Variants in DLG1 observed in about 807,000 individuals in gnomAD.
The protein encoded by DLG1 is disks large homolog 1.
DLG1 carries 42 observed loss-of-function variants against 123.4 expected under a neutral mutation model. That is an observed-to-expected ratio of 0.34 (90% CI 0.27 to 0.44). The LOEUF is 0.44. DLG1 is among the 20% of genes least tolerant of loss of function. The pLI, the probability that DLG1 is intolerant of heterozygous loss-of-function variation, is 1.00. For synonymous variants in DLG1, 317 were observed against 356.2 expected (o/e 0.89, Z 1.24); for missense variants, 942 against 1,082.6 (o/e 0.87, Z 1.82).
In DLG1 at chr3:197,066,725, C is replaced by T; in HGVS notation, c.2077G>A (p.Glu693Lys). 6.2e-7 allele frequency: 1 copy of T among 1,605,650 alleles called. No individual in the cohort carries two copies. Among genetic ancestry groups the T allele is most frequent in the Non-Finnish European group, 8.5e-7 (1 of 1,173,784 alleles). ...AAACCTTCTTGTTGATTCACTGGTT[C>T]ATAAGATAAGACGTATTCTTCTTGA... Reference protein sequence around the residue: ...RGQEEYVLSYEPVNQQEVNYT... With the variant: ...RGQEEYVLSYKPVNQQEVNYT... Residue 693 changes from glutamate to lysine, a missense_variant, in exon 20 of 25, where the codon GAA (glutamate) becomes AAA (lysine). By Grantham distance (56) the Glu-to-Lys change is moderately conservative. Transcript: ENST00000667157.
chr3:197,274,556 T>C (rs1765497155), intron 4 of DLG1, among the ~76,000 whole-genome samples: 2 of 142,560 alleles, frequency 1.4e-5, no homozygotes, highest in African/African-American at 2.7e-5. Flanking sequence ...CTTCAGGATG[T>C]TGGTCAGGGC....
chr3:197,089,287 G>C (rs4490329), intron 15 of DLG1, among the ~76,000 whole-genome samples: 1 of 152,164 alleles, frequency 6.6e-6, no homozygotes, highest in Non-Finnish European at 1.5e-5. Context: ...CAGCACTTGG[G>C]AGGCCAAGGT....
In DLG1 at chr3:197,090,903, A is replaced by G; in HGVS notation, c.1661+9T>C. 1 of 1,545,438 alleles carries G rather than the reference A, an allele frequency of 6.5e-7. No individual in the cohort carries two copies. The highest frequency in any genetic ancestry group is 1.4e-5 in the African/African-American group (1 of 73,516). ...AAGATTTGCCATAATTAGAAGTAAA[A>G]AAATTTACCTGACATAGAGGGATCG... On this transcript the variant is annotated intron_variant, in intron 15 of 24. Coordinates refer to ENST00000667157, the MANE Select transcript of DLG1 (RefSeq NM_001366207.1).
intron 14 of DLG1, among the ~76,000 whole-genome samples, chr3:197,098,100 C>T (rs1008366646): frequency 7.9e-5 from 12 of 152,124 alleles, no homozygotes; most frequent in East Asian, 3.8e-4. Flanking sequence ...CAAGCCCGTA[C>T]GCTGTTGCTC....
intron 5 of DLG1, among the ~76,000 whole-genome samples, chr3:197,176,979 TTTTTA>T (rs1343520054): frequency 2.0e-5 from 3 of 151,178 alleles, no homozygotes; most frequent in Non-Finnish European, 3.0e-5. Flanking sequence ...TTTATATTAT[TTTTTA>T]TTTATTTTTA....
rs1779771099 is a variant in DLG1, at chr3:197,127,436, AAAAAAAAAAAAAAAAAAAAAAAT to A, written c.1165+3068_1165+3090del. Among the ~76,000 whole-genome samples the A allele has an allele frequency of 9.0e-5, 4 of 44,414 alleles. No individual in the cohort carries two copies. In the East Asian group the frequency reaches 1.3e-3, roughly 15 times the overall value. 29.1% of individuals were successfully genotyped at this position (44,414 alleles called of 152,430 possible). ...AGATTCTGTCTCCAAAAAAAAAAAAAAAAAAAAAAAAAAAAAAAAAAATATATATATATATATATATATATATA... is the reference window on the plus strand; with the variant it reads ...AGATTCTGTCTCCAAAAAAAAAAAAAATATATATATATATATATATATATA... On this transcript the variant is annotated intron_variant, in intron 11 of 24. Transcript: ENST00000667157.
chr3:197,239,555 C>G (rs929951416), intron 4 of DLG1, among the ~76,000 whole-genome samples: 1 of 150,834 alleles, frequency 6.6e-6, no homozygotes, highest in African/African-American at 2.4e-5. Context: ...CCTTCATGAA[C>G]AGTGATACAA....
chr3:197,109,778 G>A (rs1560734360), intron 13 of DLG1, among the ~76,000 whole-genome samples: 1 of 152,136 alleles, frequency 6.6e-6, no homozygotes, highest in East Asian at 1.9e-4. Context: ...TAGAGTTCTA[G>A]TCAACAAAGT....
At chr3:197,157,807 G>A (rs1391917485) in intron 5 of DLG1, among the ~76,000 whole-genome samples, 3 of 152,140 alleles carry the variant, frequency 2.0e-5, no homozygotes, top group Non-Finnish European at 4.4e-5. Flanking sequence ...CAAAGTTACA[G>A]TAACAGAAAC....
At chr3:197,139,790 C>T (rs1056553870) in intron 8 of DLG1, among the ~76,000 whole-genome samples, 4 of 140,028 alleles carry the variant, frequency 2.9e-5, no homozygotes, top group African/African-American at 9.8e-5. Context: ...TAAGTTTATA[C>T]ACATGTTTCC....
chr3:197,103,160 A>T (rs1764466534), intron 14 of DLG1, among the ~76,000 whole-genome samples: 1 of 152,186 alleles, frequency 6.6e-6, no homozygotes, highest in Admixed American at 6.5e-5. Context: ...TGGCTTCTGC[A>T]AGACCTCAGC....
intron 14 of DLG1, among the ~76,000 whole-genome samples, chr3:197,102,254 A>G (rs1002208122): frequency 6.6e-6 from 1 of 152,234 alleles, no homozygotes; most frequent in African/African-American, 2.4e-5. Context: ...AACCCATAAA[A>G]GTACTTTTTT....
chr3:197,075,546 T>C (rs1430698616), intron 18 of DLG1, among the ~76,000 whole-genome samples: 1 of 152,090 alleles, frequency 6.6e-6, no homozygotes, highest in Non-Finnish European at 1.5e-5. Context: ...TAAAAGTTTT[T>C]ATATTTTAAA....
chr3:197,225,518 T>A (rs532001660), intron 4 of DLG1, among the ~76,000 whole-genome samples: 139 of 152,322 alleles, frequency 9.1e-4, no homozygotes, highest in African/African-American at 3.2e-3. Flanking sequence ...GTTTCTTCCA[T>A]CAAAGTGATG....
At chr3:197,116,232 A>G (rs1773198978) in intron 12 of DLG1, 149 bp from the exon 13 acceptor site, 1 of 619,842 alleles carries the variant, frequency 1.6e-6, no homozygotes, top group East Asian at 3.2e-5. Flanking sequence ...ACTACGAGAT[A>G]AAGAGATTCT....
intron 4 of DLG1, among the ~76,000 whole-genome samples, chr3:197,264,144 C>T (rs1760710253): frequency 6.6e-6 from 1 of 151,902 alleles, no homozygotes; most frequent in South Asian, 2.1e-4. Flanking sequence ...TTTAGTTAAA[C>T]TCCTCACATT....
chr3:197,131,735 AG>A (rs376646299), intron 10 of DLG1, among the ~76,000 whole-genome samples: 2,588 of 148,652 alleles, frequency 0.017, 78 homozygotes, highest in African/African-American at 0.06. Context: ...CTGGGACTAC[AG>A]GCGCCCGCCA....
At chr3:197,089,095 G>A (rs1021913477) in intron 15 of DLG1, among the ~76,000 whole-genome samples, 8 of 152,310 alleles carry the variant, frequency 5.3e-5, no homozygotes, top group Admixed American at 1.3e-4. Flanking sequence ...ATATAGAGGC[G>A]AAGGCTTCAT....
chr3:197,100,038 C>T (rs1048974199), intron 14 of DLG1, among the ~76,000 whole-genome samples: 2 of 152,178 alleles, frequency 1.3e-5, no homozygotes, highest in East Asian at 1.9e-4. Context: ...TGGACACTCG[C>T]AGTTCAAACC....
Sources: gnomAD v4.1 joint callset for allele counts (sites outside exome capture counted in the v4.1 genomes callset) on GRCh38, gnomAD v4.1.1 for gene constraint, MANE v1.5 for transcripts, NCBI Gene and HGNC (gene_info 2026-07-23, HGNC 2026-07-21) for gene names.